The following CDC73 variants were observed in gnomAD, a reference collection of about 807,000 sequenced individuals.
The protein encoded by CDC73 is parafibromin.
A neutral mutation model predicts 83.7 loss-of-function variants in CDC73; 21 were observed. That is an observed-to-expected ratio of 0.25 (90% confidence interval 0.18 to 0.36). The LOEUF (loss-of-function observed/expected upper bound fraction) is 0.36. CDC73 is among the 10% of genes least tolerant of loss of function. The pLI is 1.00. For synonymous variants in CDC73, 224 were observed against 212.9 expected (o/e 1.05, Z -0.45); for missense variants, 342 against 653.3 (o/e 0.52, Z 5.19).
chr1:193,145,187 A>T (rs535001528), intron 7 of CDC73, among the ~76,000 whole-genome samples: 1 of 152,350 alleles, frequency 6.6e-6, no homozygotes, highest in South Asian at 2.1e-4. Context: ...GTTCATTTAA[A>T]GTGCAAGGAG....
chr1:193,252,572 A>G lies in CDC73; in HGVS notation c.*1860A>G, dbSNP rs114073917. On this transcript the variant is annotated 3_prime_UTR_variant, in exon 17 of 17. Transcript: ENST00000367435. Reference sequence around the variant, plus strand: ...TTTGAATTTGCCTTATGTATATTCAAAGGCTTATGGAAATACTGTAAAGGA... The same window carrying G: ...TTTGAATTTGCCTTATGTATATTCAGAGGCTTATGGAAATACTGTAAAGGA... 1.1e-3 allele frequency: 260 copies of G among 231,046 alleles called. 1 individual carries two copies. Among genetic ancestry groups the G allele is most frequent in the African/African-American group, 5.1e-3 (230 of 45,366 alleles). The allele number at this position is 231,046 out of a possible 1,614,324, so 14.3% of individuals were successfully genotyped here. A position where few individuals can be genotyped will look rare whatever the true frequency, so the allele number is the denominator to read the frequency against.
chr1:193,209,885 C>T (rs887608126), intron 11 of CDC73, among the ~76,000 whole-genome samples: 1 of 152,080 alleles, frequency 6.6e-6, no homozygotes, highest in Non-Finnish European at 1.5e-5. Flanking sequence ...TCTCCCCCCT[C>T]TCTGCCTTCC....
At chr1:193,188,687 A>AT (rs1286267989) in intron 10 of CDC73, among the ~76,000 whole-genome samples, 1 of 151,938 alleles carries the variant, frequency 6.6e-6, no homozygotes. Context: ...TTTTGATTGG[A>AT]TTTTTTTAAT....
intron 13 of CDC73, among the ~76,000 whole-genome samples, chr1:193,217,792 T>A (rs1182321031): frequency 6.6e-6 from 1 of 152,086 alleles, no homozygotes; most frequent in African/African-American, 2.4e-5. Context: ...GGTGGAGCCC[T>A]AGCCAGGGAC....
At chr1:193,137,939 A>G in intron 5 of CDC73, 146 bp from the exon 6 acceptor site, 1 of 682,952 alleles carries the variant, frequency 1.5e-6, no homozygotes, top group East Asian at 2.7e-5. Context: ...TTACGTAGCC[A>G]AAAGTAGTCT....
chr1:193,232,893 A>T, intron 13 of CDC73, 100 bp from the exon 14 acceptor site: 1 of 1,036,742 alleles, frequency 9.6e-7, no homozygotes, highest in Non-Finnish European at 1.4e-6. Context: ...ATAAGAAAAA[A>T]CTCTGTCTCA....
intron 10 of CDC73, among the ~76,000 whole-genome samples, chr1:193,182,532 A>AAT (rs1288447885): frequency 6.6e-6 from 1 of 152,166 alleles, no homozygotes; most frequent in African/African-American, 2.4e-5. Flanking sequence ...AATTTCACAC[A>AAT]ATATATTTTT....
At chr1:193,208,808 C>G (rs975702005) in intron 11 of CDC73, among the ~76,000 whole-genome samples, 1 of 152,020 alleles carries the variant, frequency 6.6e-6, no homozygotes, top group Non-Finnish European at 1.5e-5. Flanking sequence ...GTTCCCCAAG[C>G]GCAGCAGTTT....
At chr1:193,154,360 G>A (rs1269555612) in intron 10 of CDC73, among the ~76,000 whole-genome samples, 2 of 152,188 alleles carry the variant, frequency 1.3e-5, no homozygotes, top group Non-Finnish European at 2.9e-5. Context: ...GGGTTTTACA[G>A]TGATGCTTTG....
rs1678062317 is a variant in CDC73, at chr1:193,252,629, A to G, written c.*1917A>G. 4.3e-6 allele frequency: 1 copy of G among 231,400 alleles called. No individual in the cohort carries two copies. The highest frequency in any genetic ancestry group is 5.6e-5 in the Admixed American group (1 of 17,726). The allele number at this position is 231,400 out of a possible 1,614,324, so 14.3% of individuals were successfully genotyped here. A position where few individuals can be genotyped will look rare whatever the true frequency, so the allele number is the denominator to read the frequency against. Reference sequence around the variant, plus strand: ...GGAAAAGGACAAATAGGCTATAACCATCTATCTTAAAATCAGACCCTTAGT... The same window carrying G: ...GGAAAAGGACAAATAGGCTATAACCGTCTATCTTAAAATCAGACCCTTAGT... On this transcript the variant is annotated 3_prime_UTR_variant, in exon 17 of 17. Transcript: ENST00000367435.
At chr1:193,209,223 T>G (rs1279635961) in intron 11 of CDC73, among the ~76,000 whole-genome samples, 1 of 152,210 alleles carries the variant, frequency 6.6e-6, no homozygotes. Context: ...TTTCTTATGG[T>G]TTATTCTCAG....
intron 15 of CDC73, among the ~76,000 whole-genome samples, chr1:193,247,119 G>C (rs1443798575): frequency 6.6e-6 from 1 of 151,936 alleles, no homozygotes; most frequent in Non-Finnish European, 1.5e-5. Flanking sequence ...TTTTTTTTGT[G>C]AACAAATTGG....
At chr1:193,183,686 C>T (rs1033838631) in intron 10 of CDC73, among the ~76,000 whole-genome samples, 1 of 151,610 alleles carries the variant, frequency 6.6e-6, no homozygotes, top group Non-Finnish European at 1.5e-5. Context: ...CTCCGCTCCA[C>T]TTCATAAGGA....
chr1:193,200,902 G>A (rs932725489), intron 10 of CDC73, among the ~76,000 whole-genome samples: 2 of 152,096 alleles, frequency 1.3e-5, no homozygotes, highest in African/African-American at 4.8e-5. Context: ...TAAAAATAAT[G>A]GAAATCAGAG....
In CDC73 at chr1:193,154,855, T is replaced by G. The variant is rs545253607; in HGVS notation, c.972+2411T>G. Among the ~76,000 whole-genome samples the G allele has an allele frequency of 4.6e-5, 7 of 152,302 alleles. No individual in the cohort carries two copies. The South Asian group carries it at 1.5e-3, about 32-fold the overall frequency. ...GAGTTGCACCAACTTTCTACCTTAT[T>G]CTCCAGTCAAGAAAGTTTCTCCTTT... On this transcript the variant is annotated intron_variant, in intron 10 of 16. Transcript: ENST00000367435.
At chr1:193,236,435 G>C in intron 15 of CDC73, 79 bp downstream of exon 15, 17 of 907,572 alleles carry the variant, frequency 1.9e-5, no homozygotes, top group Non-Finnish European at 1.8e-6. Context: ...ATATAGTTCT[G>C]CGCATATGAT....
At chr1:193,163,643 G>T (rs1676380864) in intron 10 of CDC73, among the ~76,000 whole-genome samples, 1 of 152,112 alleles carries the variant, frequency 6.6e-6, no homozygotes, top group South Asian at 2.1e-4. Flanking sequence ...CTAATAAATT[G>T]ATAGGTACCA....
At chr1:193,138,817 C>T (rs528527458) in intron 6 of CDC73, among the ~76,000 whole-genome samples, 2 of 149,788 alleles carry the variant, frequency 1.3e-5, no homozygotes, top group Non-Finnish European at 3.0e-5. Flanking sequence ...CTTTTTCACC[C>T]AGGCTAGAGT....
intron 10 of CDC73, among the ~76,000 whole-genome samples, chr1:193,198,851 G>A (rs1287118377): frequency 6.6e-6 from 1 of 152,168 alleles, no homozygotes; most frequent in Non-Finnish European, 1.5e-5. Flanking sequence ...GTTTTTGCTT[G>A]TTTGTTTGTT....
Sources: allele counts gnomAD v4.1 joint callset (sites outside exome capture counted in the v4.1 genomes callset), GRCh38; gene constraint gnomAD v4.1.1; transcripts MANE v1.5; gene names NCBI Gene and HGNC (gene_info 2026-07-23, HGNC 2026-07-21).